TUSC3: variants seen among roughly 807,000 people sequenced by gnomAD.
The protein encoded by TUSC3 is dolichyl-diphosphooligosaccharide--protein glycosyltransferase subunit TUSC3.
TUSC3 carries 45 observed loss-of-function variants against 44.8 expected under a neutral mutation model. That is an observed-to-expected ratio of 1.00 (90% CI 0.79 to 1.29). The LOEUF is 1.29. TUSC3 is among the 50% of genes most tolerant of loss of function. The pLI, the probability that TUSC3 is intolerant of heterozygous loss-of-function variation, is 0.00. For synonymous variants in TUSC3, 212 were observed against 152.9 expected (o/e 1.39, Z -2.85); for missense variants, 519 against 437.9 (o/e 1.19, Z -1.65).
intron 1 of TUSC3, among the ~76,000 whole-genome samples, chr8:15,576,253 CTTT>C (rs534737121): frequency 1.7e-5 from 2 of 118,602 alleles, no homozygotes; most frequent in Admixed American, 8.3e-5. Context: ...CTTTTTCTTT[CTTT>C]TTTTTTTTTT....
At chr8:15,538,659 TTATGTC>T (rs1262992438), upstream of TUSC3, among the ~76,000 whole-genome samples, 1 of 152,116 alleles carries the variant, frequency 6.6e-6, no homozygotes, top group African/African-American at 2.4e-5. Flanking sequence ...AATCGTAACT[TTATGTC>T]TATTAACCTC....
chr8:15,673,448 G>A (rs1168661808), intron 5 of TUSC3, among the ~76,000 whole-genome samples: 1 of 152,022 alleles, frequency 6.6e-6, no homozygotes, highest in Non-Finnish European at 1.5e-5. Flanking sequence ...GCTCAGGTGA[G>A]CACATAGTAT....
intron 6 of TUSC3, among the ~76,000 whole-genome samples, chr8:15,684,113 C>T (rs908229094): frequency 3.5e-5 from 4 of 113,160 alleles, no homozygotes; most frequent in Non-Finnish European, 7.5e-5. Context: ...GGAGGGAAGG[C>T]GGGGGCCATA....
intron 10 of TUSC3, among the ~76,000 whole-genome samples, chr8:15,761,485 G>A (rs367848590): frequency 6.6e-6 from 1 of 152,144 alleles, no homozygotes; most frequent in South Asian, 2.1e-4. Flanking sequence ...CCTTGTGTGC[G>A]ATTTGCTACT....
Position 15,483,649 on chromosome 8 carries a change from ATTT to A in TUSC3, n.189+188_189+190del, listed in dbSNP as rs60092911. ...CCGTCGTGCCCAGCCTAGCACTGTGATTTTTTTTTTTTTTTTTTTTTTTTGAGA... is the reference window on the plus strand; with the variant it reads ...CCGTCGTGCCCAGCCTAGCACTGTGATTTTTTTTTTTTTTTTTTTTTGAGA... On this transcript the variant is annotated intron_variant and non_coding_transcript_variant, in intron 2 of 5. Transcript: ENST00000503191. Among the ~76,000 whole-genome samples, 386 of 66,154 alleles carry A rather than the reference ATTT, an allele frequency of 5.8e-3. 4 individuals carry two copies. Among genetic ancestry groups the A allele is most frequent in the African/African-American group, 0.02 (365 of 18,212 alleles). 43.4% of individuals were successfully genotyped at this position (66,154 alleles called of 152,430 possible). A position where few individuals can be genotyped will look rare whatever the true frequency, so the allele number is the denominator to read the frequency against.
chr8:15,760,537 C>T (rs1200109669), intron 10 of TUSC3, among the ~76,000 whole-genome samples: 1 of 152,064 alleles, frequency 6.6e-6, no homozygotes, highest in Non-Finnish European at 1.5e-5. Flanking sequence ...GTTAGTTTAT[C>T]CTACAAACTA....
intron 1 of TUSC3, among the ~76,000 whole-genome samples, chr8:15,461,824 A>T (rs1000832702): frequency 6.6e-6 from 1 of 151,980 alleles, no homozygotes; most frequent in African/African-American, 2.4e-5. Flanking sequence ...AAAGATTTGT[A>T]TATATAATCA....
chr8:15,810,737 T>G, the TUSC3 span, among the ~76,000 whole-genome samples: 1 of 152,308 alleles, frequency 6.6e-6, no homozygotes, highest in South Asian at 2.1e-4. Context: ...GCCAGCAGAT[T>G]GAAGTCGCCC....
Position 15,564,236 on chromosome 8 carries a change from T to C in TUSC3, c.138+23668T>C, listed in dbSNP as rs377376963. Among the ~76,000 whole-genome samples, 6 of 152,148 alleles carry C rather than the reference T, an allele frequency of 3.9e-5. No homozygotes were observed. In the East Asian group the frequency reaches 5.8e-4, roughly 15 times the overall value. ...TTTCAAATCGAGGTTATTAATATTA[T>C]GGAGAATAGTAGATAACTAAGTTTG... On this transcript the variant is annotated intron_variant, in intron 1 of 10. Coordinates refer to ENST00000503731, the MANE Select transcript of TUSC3 (RefSeq NM_006765.4).
intron 10 of TUSC3, among the ~76,000 whole-genome samples, chr8:15,763,284 C>T (rs1585315901): frequency 6.6e-6 from 1 of 151,728 alleles, no homozygotes; most frequent in Admixed American, 6.6e-5. Flanking sequence ...ATGAGGAAAC[C>T]GAGGTTCAGA....
chr8:15,712,031 TA>T (rs1216737782), intron 6 of TUSC3, among the ~76,000 whole-genome samples: 2 of 151,970 alleles, frequency 1.3e-5, no homozygotes, highest in East Asian at 3.9e-4. Flanking sequence ...GAAAACATAC[TA>T]AATTGCTGTG....
chr8:15,639,613 T>G (rs2129171201), intron 2 of TUSC3, among the ~76,000 whole-genome samples: 1 of 152,340 alleles, frequency 6.6e-6, no homozygotes, highest in Admixed American at 6.5e-5. Flanking sequence ...CTGCAACTAT[T>G]ATATAAAGTC....
chr8:15,785,864 T>C, the TUSC3 span, among the ~76,000 whole-genome samples: 1 of 152,106 alleles, frequency 6.6e-6, no homozygotes, highest in Non-Finnish European at 1.5e-5. Context: ...TCCTCCTGGA[T>C]AGAGACATTT....
chr8:15,682,648 C>T lies in TUSC3; in HGVS notation c.798+8812C>T, dbSNP rs74508988. Reference sequence around the variant, plus strand: ...GAGCATTTAGACTGTTTACATTCAACGTTAATATTGATATGTGAAGTTTTC... The same window carrying T: ...GAGCATTTAGACTGTTTACATTCAATGTTAATATTGATATGTGAAGTTTTC... On this transcript the variant is annotated intron_variant, in intron 6 of 10. Transcript: ENST00000503731. Among the ~76,000 whole-genome samples the T allele has an allele frequency of 6.7e-4, 102 of 152,108 alleles. 1 individual carries two copies. In the East Asian group the frequency reaches 0.016, roughly 23 times the overall value.
At chr8:15,481,977 A>T (rs1251237257) in intron 1 of TUSC3, among the ~76,000 whole-genome samples, 2 of 152,164 alleles carry the variant, frequency 1.3e-5, no homozygotes, top group Admixed American at 1.3e-4. Context: ...CCACTTTGAA[A>T]ATCGGAGTCA....
intron 2 of TUSC3, among the ~76,000 whole-genome samples, chr8:15,520,711 C>G (rs745792136): frequency 6.6e-6 from 1 of 152,202 alleles, no homozygotes; most frequent in East Asian, 1.9e-4. Context: ...TCTACCTATG[C>G]AATTCCGTTC....
At chr8:15,732,718 A>T (rs1810775650) in intron 7 of TUSC3, among the ~76,000 whole-genome samples, 1 of 152,228 alleles carries the variant, frequency 6.6e-6, no homozygotes, top group African/African-American at 2.4e-5. Flanking sequence ...TTCAAGCTTT[A>T]ATGAAAACGA....
chr8:15,564,815 G>C (rs1164162640), intron 1 of TUSC3, among the ~76,000 whole-genome samples: 4 of 152,134 alleles, frequency 2.6e-5, no homozygotes, highest in Non-Finnish European at 5.9e-5. Context: ...CTCCCACCCT[G>C]TTCTAAGGAC....
At chr8:15,553,626 A>G (rs1352329362) in intron 1 of TUSC3, among the ~76,000 whole-genome samples, 1 of 151,678 alleles carries the variant, frequency 6.6e-6, no homozygotes, top group Non-Finnish European at 1.5e-5. Context: ...CGGATTTAGC[A>G]AGAACGGCTT....
Sources: gnomAD v4.1 joint callset for allele counts (sites outside exome capture counted in the v4.1 genomes callset) on GRCh38, gnomAD v4.1.1 for gene constraint, MANE v1.5 for transcripts, NCBI Gene and HGNC (gene_info 2026-07-23, HGNC 2026-07-21) for gene names.